The following DLGAP2 variants were observed in gnomAD, a reference collection of about 807,000 sequenced individuals.
The protein encoded by DLGAP2 is disks large-associated protein 2.
In DLGAP2, 26 loss-of-function variants were observed where a neutral mutation model predicts 100.3. That is an observed-to-expected ratio of 0.26 (90% confidence interval 0.19 to 0.36). DLGAP2 has a LOEUF of 0.36. Ranked by LOEUF, DLGAP2 falls within the 10% of genes least tolerant of loss-of-function variation. The pLI, the probability that DLGAP2 is intolerant of heterozygous loss-of-function variation, is 1.00. For synonymous variants in DLGAP2, 886 were observed against 630.1 expected (o/e 1.41, Z -6.08); for missense variants, 1,858 against 1,453.2 (o/e 1.28, Z -4.53).
intron 1 of DLGAP2, among the ~76,000 whole-genome samples, chr8:805,609 AT>A (rs890465993): frequency 4.4e-4 from 67 of 151,618 alleles, no homozygotes; most frequent in African/African-American, 1.5e-3. Flanking sequence ...CCGTCCTATA[AT>A]TTTTTTTTCT....
At chr8:1,640,818 G>C (rs1797880700) in intron 8 of DLGAP2, among the ~76,000 whole-genome samples, 1 of 152,234 alleles carries the variant, frequency 6.6e-6, no homozygotes, top group South Asian at 2.1e-4. Flanking sequence ...ACGAAATGCA[G>C]TCCAGATACC....
intron 2 of DLGAP2, among the ~76,000 whole-genome samples, chr8:1,153,311 A>T (rs978842406): frequency 2.0e-5 from 3 of 152,202 alleles, no homozygotes; most frequent in Non-Finnish European, 4.4e-5. Context: ...GGCACTGGCT[A>T]TGCCTAAATC....
At chr8:866,889 C>A (rs1246699719) in intron 1 of DLGAP2, among the ~76,000 whole-genome samples, 1 of 152,192 alleles carries the variant, frequency 6.6e-6, no homozygotes, top group Non-Finnish European at 1.5e-5. Context: ...TCTCCTGTCG[C>A]CCCAACATGC....
intron 5 of DLGAP2, 47 bp from the exon 6 acceptor site, chr8:1,565,636 T>G (rs1802366556): frequency 2.0e-6 from 3 of 1,511,772 alleles, no homozygotes; most frequent in Non-Finnish European, 1.8e-6. Context: ...GATGCTGCCG[T>G]TCTCAGTGAC....
intron 3 of DLGAP2, among the ~76,000 whole-genome samples, chr8:1,370,013 T>A (rs1802199681): frequency 6.6e-6 from 1 of 152,108 alleles, no homozygotes; most frequent in African/African-American, 2.4e-5. Context: ...CCCTCAGACC[T>A]GAGTTCAGCA....
chr8:1,428,971 TC>T (rs1409359820), intron 3 of DLGAP2, among the ~76,000 whole-genome samples: 1 of 152,194 alleles, frequency 6.6e-6, no homozygotes, highest in African/African-American at 2.4e-5. Flanking sequence ...TGTTAAAAGA[TC>T]AACTTAGGCA....
intron 2 of DLGAP2, among the ~76,000 whole-genome samples, chr8:1,001,104 T>C (rs1459998404): frequency 6.6e-6 from 1 of 152,232 alleles, no homozygotes; most frequent in Non-Finnish European, 1.5e-5. Context: ...ATTTCTCCAC[T>C]CTCTTCTTTT....
At chr8:895,819 T>C (rs1396577586) in intron 1 of DLGAP2, among the ~76,000 whole-genome samples, 12 of 133,446 alleles carry the variant, frequency 9.0e-5, no homozygotes, top group African/African-American at 3.4e-4. Context: ...TGATAGTGGC[T>C]AGGTAGGTGT....
intron 3 of DLGAP2, among the ~76,000 whole-genome samples, chr8:1,490,619 G>A (rs1799351358): frequency 6.6e-6 from 1 of 152,156 alleles, no homozygotes; most frequent in Admixed American, 6.5e-5. Context: ...AGGTGAAATG[G>A]GCCCTCGGTT....
In DLGAP2 at chr8:1,549,386, G is replaced by T; in HGVS notation, c.933G>T (p.Thr311=). Residue 311 remains threonine, a synonymous_variant, in exon 5 of 15, where the codon ACG becomes ACT. Coordinates refer to ENST00000637795, the MANE Select transcript of DLGAP2 (RefSeq NM_001346810.2). ...TGGACAGCGACAGCACCTATCGGAC[G>T]CCCAGCGTGCTCAACCGGCACCACC... ...DNLDSDSTYR[T]PSVLNRHHLG... is the part of the protein sequence containing the mutation. 1.2e-6 allele frequency: 2 copies of T among 1,613,440 alleles called. No individual in the cohort carries two copies. The highest frequency in any genetic ancestry group is 1.3e-5 in the African/African-American group (1 of 75,058).
intron 1 of DLGAP2, among the ~76,000 whole-genome samples, chr8:892,712 G>C (rs1267357275): frequency 6.6e-6 from 1 of 152,168 alleles, no homozygotes; most frequent in Non-Finnish European, 1.5e-5. Flanking sequence ...GGGGGAGACC[G>C]GGAACCACCA....
At chr8:1,210,372 A>G (rs1041273558) in intron 2 of DLGAP2, among the ~76,000 whole-genome samples, 5 of 152,264 alleles carry the variant, frequency 3.3e-5, no homozygotes, top group African/African-American at 1.2e-4. Flanking sequence ...AAGAAACTGG[A>G]TGCAGCCTGC....
At chr8:1,251,153 A>C (rs949117267) in intron 2 of DLGAP2, among the ~76,000 whole-genome samples, 32 of 152,226 alleles carry the variant, frequency 2.1e-4, no homozygotes, top group African/African-American at 7.2e-4. Flanking sequence ...CAATATCATT[A>C]CCACAATTTC....
intron 2 of DLGAP2, among the ~76,000 whole-genome samples, chr8:1,221,968 A>G (rs1299913537): frequency 1.3e-5 from 2 of 152,066 alleles, no homozygotes; most frequent in Non-Finnish European, 1.5e-5. Flanking sequence ...CTGTCTGAAA[A>G]TTGTTGTCGT....
At chr8:1,267,637 G>GACATAAAATAAAATAAAATCAAATCAAA (rs1382093781) in intron 3 of DLGAP2, among the ~76,000 whole-genome samples, 1 of 91,980 alleles carries the variant, frequency 1.1e-5, no homozygotes, top group Non-Finnish European at 2.3e-5. Flanking sequence ...TATTAAATAG[G>GACATAAAATAAAATAAAATCAAATCAAA]TCTACAAAAA....
chr8:1,230,864 A>C (rs1798521246), intron 2 of DLGAP2, among the ~76,000 whole-genome samples: 1 of 152,236 alleles, frequency 6.6e-6, no homozygotes, highest in African/African-American at 2.4e-5. Flanking sequence ...ACTCAAGATG[A>C]ATTACAAATT....
intron 3 of DLGAP2, among the ~76,000 whole-genome samples, chr8:1,329,732 C>A (rs1019593682): frequency 1.3e-5 from 2 of 152,162 alleles, no homozygotes; most frequent in Non-Finnish European, 2.9e-5. Flanking sequence ...AGCAGAGACC[C>A]TGGGGCTTGG....
intron 2 of DLGAP2, among the ~76,000 whole-genome samples, chr8:942,503 C>T (rs1799219845): frequency 6.6e-6 from 1 of 152,228 alleles, no homozygotes. Context: ...TCCAGCATCC[C>T]AGCTCTCCTG....
intron 1 of DLGAP2, among the ~76,000 whole-genome samples, chr8:849,497 A>G (rs902274661): frequency 5.3e-5 from 8 of 152,264 alleles, no homozygotes; most frequent in Admixed American, 1.3e-4. Context: ...TGTCAATGGT[A>G]GTGTATGTTT....
Sources: gnomAD v4.1 joint callset for allele counts (sites outside exome capture counted in the v4.1 genomes callset) on GRCh38, gnomAD v4.1.1 for gene constraint, MANE v1.5 for transcripts, NCBI Gene and HGNC (gene_info 2026-07-23, HGNC 2026-07-21) for gene names.